The following GART variants were observed in gnomAD, a reference collection of about 807,000 sequenced individuals.
GART encodes the protein phosphoribosylglycinamide formyltransferase, phosphoribosylglycinamide synthetase, phosphoribosylaminoimidazole synthetase.
In GART, 43 loss-of-function variants were observed where a neutral mutation model predicts 107.2. That is an observed-to-expected ratio of 0.40 (90% CI 0.31 to 0.52). GART has a LOEUF of 0.52. Ranked by LOEUF, GART falls within the 20% of genes least tolerant of loss-of-function variation. The probability of loss-of-function intolerance (pLI) is 0.52; values close to 1 mark genes in which losing one functional copy is unlikely to be tolerated. For missense variants in GART, 1,107 were observed against 1,206.5 expected, an observed-to-expected ratio of 0.92 and a Z score of 1.22; for synonymous variants, 434 against 427.0, an observed-to-expected ratio of 1.02 and a Z score of -0.20.
chr21:33,521,631 CAAAAAAAAAAAA>C (rs571421187), intron 12 of GART, among the ~76,000 whole-genome samples: 6 of 54,442 alleles, frequency 1.1e-4, no homozygotes, highest in Admixed American at 6.6e-4. Context: ...GACTTTGTCT[CAAAAAAAAAAAA>C]AAAAAAAAAG....
chr21:33,532,566 A>C (rs2085213231), intron 4 of GART, 110 bp from the exon 5 acceptor site: 1 of 794,514 alleles, frequency 1.3e-6, no homozygotes, highest in Admixed American at 2.3e-5. Flanking sequence ...AAAAGCAGAA[A>C]GAAAAAAATT....
intron 11 of GART, among the ~76,000 whole-genome samples, chr21:33,523,484 A>T (rs1453117717): frequency 6.6e-6 from 1 of 152,212 alleles, no homozygotes; most frequent in East Asian, 1.9e-4. Flanking sequence ...AGTCATTTTT[A>T]AATGAAAAAT....
Position 33,506,063 on chromosome 21 carries a change from T to C in GART, c.2494A>G (p.Asn832Asp), listed in dbSNP as rs761517017. 3.1e-5 allele frequency: 50 copies of C among 1,614,060 alleles called. No homozygotes were observed. The highest frequency in any genetic ancestry group is 3.9e-5 in the Non-Finnish European group (46 of 1,180,042). ...QALIDSTREP[N>D]SSAQIDIVIS... ...ACAATATCAATTTGTGCAGAGCTAT[T>C]TGGTTCCCGAGTACTGTCTATAAGT... The change falls in exon 19 of 22, where the codon AAT (asparagine) becomes GAT (aspartate). Residue 832 changes from asparagine (N) to aspartate (D), a missense_variant. Coordinates refer to ENST00000381815, the MANE Select transcript of GART (RefSeq NM_000819.5).
At chr21:33,539,410 G>A (rs2085366473) in intron 1 of GART, 54 bp from the exon 2 acceptor site, 2 of 1,419,458 alleles carry the variant, frequency 1.4e-6, no homozygotes, top group Middle Eastern at 1.8e-4. Flanking sequence ...TAGAAACCCA[G>A]GGACGGGCAC....
At position 33,505,978 on chromosome 21, in the gene GART, G is replaced by T; in HGVS notation, c.2579C>A (p.Thr860Asn). ...ATATTTTCCCAAGTAACTTACTCTA[G>T]TGGGAATACCAGCTCTTTCCGCTTT... ...LDKAERAGIP[T>N]RVINHKLYKN... is the part of the protein sequence containing the mutation. Residue 860 changes from threonine (T) to asparagine (N), a missense_variant, in exon 19 of 22, where the codon ACT becomes AAT. Coordinates refer to ENST00000381815, the MANE Select transcript of GART (RefSeq NM_000819.5). 1 of 1,613,982 alleles carries T rather than the reference G, an allele frequency of 6.2e-7. No homozygotes were observed. Among genetic ancestry groups the T allele is most frequent in the South Asian group, 1.1e-5 (1 of 91,060 alleles).
chr21:33,536,142 G>A (rs1183512010), intron 2 of GART, among the ~76,000 whole-genome samples: 4 of 152,258 alleles, frequency 2.6e-5, no homozygotes, highest in South Asian at 2.1e-4. Context: ...CAGCAAATAT[G>A]AACAAATTAA....
At chr21:33,530,994 T>G (rs1403287478) in intron 6 of GART, 110 bp from the exon 7 acceptor site, 36 of 1,038,198 alleles carry the variant, frequency 3.5e-5, no homozygotes, top group Non-Finnish European at 4.3e-5. Context: ...AAAAGTTTGT[T>G]TTTTTTTTTG....
chr21:33,527,211 G>A (rs1320149076), intron 10 of GART, among the ~76,000 whole-genome samples: 3 of 152,060 alleles, frequency 2.0e-5, no homozygotes, highest in East Asian at 1.9e-4. Context: ...AGTTTATGGG[G>A]TTGTTGAATT....
chr21:33,510,230 C>T (rs368822897), intron 17 of GART: 90 of 232,570 alleles, frequency 3.9e-4, no homozygotes, highest in African/African-American at 1.9e-3. Flanking sequence ...CTAGCGAGAC[C>T]ACCCACAGTA....
chr21:33,517,314 C>T (rs1422919034), intron 15 of GART, 43 bp downstream of exon 15: 1 of 1,609,530 alleles, frequency 6.2e-7, no homozygotes, highest in South Asian at 1.1e-5. Flanking sequence ...AATGCTTGCT[C>T]AGGCATTTCC....
chr21:33,528,095 G>T, intron 10 of GART, 72 bp downstream of exon 10: 1 of 1,419,522 alleles, frequency 7.0e-7, no homozygotes, highest in Non-Finnish European at 9.9e-7. Context: ...AAGCCTTAGT[G>T]TGAGAGGGGG....
chr21:33,533,480 T>C (rs7277653), intron 4 of GART, among the ~76,000 whole-genome samples: 2 of 149,136 alleles, frequency 1.3e-5, no homozygotes, highest in Non-Finnish European at 3.0e-5. Context: ...TAAAAATAAA[T>C]AAATAAATAA....
At chr21:33,516,315 G>A (rs1043339395) in intron 16 of GART, among the ~76,000 whole-genome samples, 2 of 150,542 alleles carry the variant, frequency 1.3e-5, no homozygotes, top group East Asian at 1.9e-4. Context: ...ACTTTTACAT[G>A]GTTTACCCAC....
At chr21:33,520,685 G>A in intron 13 of GART, 123 bp from the exon 14 acceptor site, 1 of 853,798 alleles carries the variant, frequency 1.2e-6, no homozygotes, top group South Asian at 1.8e-5. Context: ...AAGCTACTTG[G>A]TCTAAAAGCA....
chr21:33,514,934 T>TA (rs1275601121), intron 16 of GART, among the ~76,000 whole-genome samples: 1 of 152,234 alleles, frequency 6.6e-6, no homozygotes, highest in Non-Finnish European at 1.5e-5. Context: ...GAGCTTCACA[T>TA]ACGCTCTGAC....
intron 20 of GART, 83 bp from the exon 21 acceptor site, chr21:33,504,610 C>T (rs987495697): frequency 5.6e-5 from 53 of 940,398 alleles, no homozygotes; most frequent in African/African-American, 1.5e-4. Flanking sequence ...TATCTAGATC[C>T]GAAGTCAAAC....
chr21:33,518,609 G>T, intron 14 of GART: 4 of 326,414 alleles, frequency 1.2e-5, no homozygotes, highest in Non-Finnish European at 6.0e-6. Context: ...TCAGAAAGCA[G>T]TCATAATGTA....
At chr21:33,509,300 C>CTT (rs2084741878) in intron 18 of GART, 1 of 152,528 alleles carries the variant, frequency 6.6e-6, no homozygotes. Context: ...AAAAAAAAAT[C>CTT]ACATATGCAT....
intron 11 of GART, among the ~76,000 whole-genome samples, chr21:33,523,281 T>C (rs114012072): frequency 0.02 from 3,115 of 152,278 alleles, 106 homozygotes; most frequent in African/African-American, 0.071. Flanking sequence ...GTTGAGTGCA[T>C]TGGCAGTTAA....
Sources: allele counts gnomAD v4.1 joint callset (sites outside exome capture counted in the v4.1 genomes callset), GRCh38; gene constraint gnomAD v4.1.1; transcripts MANE v1.5; gene names NCBI Gene and HGNC (gene_info 2026-07-23, HGNC 2026-07-21).